ST18: variants seen among roughly 807,000 people sequenced by gnomAD.
The protein encoded by ST18 is suppression of tumorigenicity 18 protein.
A neutral mutation model predicts 110.0 loss-of-function variants in ST18; 50 were observed. The observed-to-expected ratio is 0.45, with a 90% CI of 0.36 to 0.58. The LOEUF (loss-of-function observed/expected upper bound fraction) is 0.58, where lower values mean the gene tolerates loss of function less well. ST18 is among the 20% of genes least tolerant of loss of function. The pLI, the probability that ST18 is intolerant of heterozygous loss-of-function variation, is 0.00. For synonymous variants in ST18, 461 were observed against 452.4 expected (o/e 1.02, Z -0.24); for missense variants, 1,306 against 1,280.1 (o/e 1.02, Z -0.31).
intron 2 of ST18, among the ~76,000 whole-genome samples, chr8:52,282,808 G>A (rs151114339): frequency 9.4e-4 from 143 of 152,222 alleles, no homozygotes; most frequent in South Asian, 6.4e-3. Context: ...AAGAGGCCCC[G>A]AGAAAGTATG....
chr8:52,371,503 A>G (rs1007119905), intron 2 of ST18, among the ~76,000 whole-genome samples: 2 of 152,212 alleles, frequency 1.3e-5, no homozygotes, highest in African/African-American at 4.8e-5. Context: ...AGACACCAAG[A>G]TATTAGGTGC....
At chr8:52,329,621 G>T (rs1156444282) in intron 2 of ST18, among the ~76,000 whole-genome samples, 1 of 152,148 alleles carries the variant, frequency 6.6e-6, no homozygotes, top group East Asian at 1.9e-4. Flanking sequence ...CAGGCATTGT[G>T]GTGGGTGCCT....
At chr8:52,143,410 G>T (rs770683713) in intron 16 of ST18, among the ~76,000 whole-genome samples, 2 of 152,082 alleles carry the variant, frequency 1.3e-5, no homozygotes, top group South Asian at 2.1e-4. Context: ...GCGTGAACCC[G>T]GGAAGCGGGG....
At chr8:52,130,261 A>G (rs1263383015) in intron 22 of ST18, among the ~76,000 whole-genome samples, 2 of 152,332 alleles carry the variant, frequency 1.3e-5, no homozygotes, top group South Asian at 2.1e-4. Flanking sequence ...TAATATGTAA[A>G]CAGGAACCTA....
At chr8:52,296,856 A>G (rs2095644323) in intron 2 of ST18, among the ~76,000 whole-genome samples, 1 of 152,204 alleles carries the variant, frequency 6.6e-6, no homozygotes, top group African/African-American at 2.4e-5. Context: ...AGGAACTAAG[A>G]CAAGTGTGCA....
intron 2 of ST18, among the ~76,000 whole-genome samples, chr8:52,320,698 A>G (rs926749515): frequency 6.6e-6 from 1 of 152,214 alleles, no homozygotes; most frequent in African/African-American, 2.4e-5. Flanking sequence ...CACAATACCC[A>G]ATCTGGTGAG....
chr8:52,336,255 T>G (rs1219313104), intron 2 of ST18, among the ~76,000 whole-genome samples: 1 of 152,114 alleles, frequency 6.6e-6, no homozygotes, highest in Non-Finnish European at 1.5e-5. Flanking sequence ...TTCAAGCGAT[T>G]CTCCTGCCTC....
chr8:52,124,302 G>A (rs1295473317), intron 23 of ST18, among the ~76,000 whole-genome samples: 1 of 151,958 alleles, frequency 6.6e-6, no homozygotes, highest in East Asian at 1.9e-4. Flanking sequence ...AGCCTCCTGA[G>A]TAGCTCGGAC....
Position 52,231,710 on chromosome 8 carries a change from C to A in ST18, c.-464-1633G>T, listed in dbSNP as rs1469596642. 2.0e-5 allele frequency among the ~76,000 whole-genome samples: 3 copies of A among 152,160 alleles called. 1 individual carries two copies. The South Asian group carries it at 6.2e-4, about 32-fold the overall frequency. ...CAGGATGGTCTTGATCTCTTGACCT[C>A]GTGATCCGCCAGCCGCGGCCTCCCA... On this transcript the variant is annotated intron_variant, in intron 2 of 25. Transcript: ENST00000689386.
At chr8:52,196,662 T>C (rs564874552) in intron 8 of ST18, among the ~76,000 whole-genome samples, 1 of 152,362 alleles carries the variant, frequency 6.6e-6, no homozygotes, top group South Asian at 2.1e-4. Flanking sequence ...ATTAGTTATG[T>C]TGTTAATGTC....
intron 2 of ST18, among the ~76,000 whole-genome samples, chr8:52,367,936 T>C (rs1828781530): frequency 6.6e-6 from 1 of 152,224 alleles, no homozygotes; most frequent in Non-Finnish European, 1.5e-5. Flanking sequence ...ATTAGTAGTC[T>C]AGTGAAGCTT....
intron 9 of ST18, among the ~76,000 whole-genome samples, chr8:52,174,158 TC>T (rs1332582182): frequency 6.6e-6 from 1 of 152,178 alleles, no homozygotes; most frequent in Non-Finnish European, 1.5e-5. Context: ...ACATTTTAGT[TC>T]CTAGAAAAGA....
chr8:52,383,914 G>A (rs1835552825), intron 2 of ST18, among the ~76,000 whole-genome samples: 1 of 151,964 alleles, frequency 6.6e-6, no homozygotes, highest in East Asian at 1.9e-4. Flanking sequence ...CACCCAGCTA[G>A]TTTTTGTTTT....
intron 2 of ST18, among the ~76,000 whole-genome samples, chr8:52,302,533 G>T (rs2095743210): frequency 6.6e-6 from 1 of 152,188 alleles, no homozygotes; most frequent in African/African-American, 2.4e-5. Flanking sequence ...ACCAGGTCTT[G>T]GTTGCTAAGT....
At chr8:52,390,038 T>G (rs1225421363) in intron 2 of ST18, among the ~76,000 whole-genome samples, 1 of 152,082 alleles carries the variant, frequency 6.6e-6, no homozygotes, top group African/African-American at 2.4e-5. Context: ...GTCTTCTGGT[T>G]GGCTAGAGAT....
intron 2 of ST18, among the ~76,000 whole-genome samples, chr8:52,250,809 G>A (rs2094256908): frequency 1.3e-5 from 2 of 151,720 alleles, no homozygotes; most frequent in East Asian, 3.9e-4. Context: ...TCTAAGGGAG[G>A]CCTGGCTCTC....
At chr8:52,116,176 G>A in intron 25 of ST18, 99 bp downstream of exon 25, 1 of 1,397,026 alleles carries the variant, frequency 7.2e-7, no homozygotes, top group Non-Finnish European at 9.7e-7. Flanking sequence ...ACTGCTCACA[G>A]GTCTCCTCAA....
In ST18 at chr8:52,111,845, T is replaced by A. The variant is rs900265469; in HGVS notation, c.*1353A>T. On this transcript the variant is annotated 3_prime_UTR_variant, in exon 26 of 26. Coordinates refer to ENST00000689386, the MANE Select transcript of ST18 (RefSeq NM_001352837.2). The stretch of plus-strand genomic sequence containing the variant: ...AACTTTTGAAACAATGCTTAACTAC[T>A]TTACAATCCCTGAAATAGACATTGC... The A allele has an allele frequency of 6.6e-6, 1 of 152,614 alleles. No individual in the cohort carries two copies. The highest frequency in any genetic ancestry group is 2.4e-5 in the African/African-American group (1 of 41,450). The allele number at this position is 152,614 out of a possible 1,614,324, so 9.5% of individuals were successfully genotyped here. A position where few individuals can be genotyped will look rare whatever the true frequency, so the allele number is the denominator to read the frequency against.
At chr8:52,360,432 T>C (rs1825208144) in intron 2 of ST18, among the ~76,000 whole-genome samples, 1 of 152,148 alleles carries the variant, frequency 6.6e-6, no homozygotes, top group African/African-American at 2.4e-5. Context: ...AAATATATTA[T>C]GGTACATCTT....
Sources: gnomAD v4.1 joint callset for allele counts (sites outside exome capture counted in the v4.1 genomes callset) on GRCh38, gnomAD v4.1.1 for gene constraint, MANE v1.5 for transcripts, NCBI Gene and HGNC (gene_info 2026-07-23, HGNC 2026-07-21) for gene names.